NRG3: variants seen among roughly 807,000 people sequenced by gnomAD.
NRG3 encodes the protein neuregulin 3.
A neutral mutation model predicts 66.9 loss-of-function variants in NRG3; 31 were observed. That is an observed-to-expected ratio of 0.46 (90% CI 0.35 to 0.63). The LOEUF (loss-of-function observed/expected upper bound fraction) is 0.63, where lower values mean the gene tolerates loss of function less well. Ranked by LOEUF, NRG3 falls within the 20% of genes least tolerant of loss-of-function variation. NRG3 has a pLI of 0.00. For synonymous variants in NRG3, 393 were observed against 359.4 expected, an observed-to-expected ratio of 1.09 and a Z score of -1.06; for missense variants, 910 against 878.9, an observed-to-expected ratio of 1.04 and a Z score of -0.45.
At chr10:81,896,809 C>T (rs187621875) in intron 1 of NRG3, among the ~76,000 whole-genome samples, 43 of 152,164 alleles carry the variant, frequency 2.8e-4, no homozygotes, top group Admixed American at 2.3e-3. Flanking sequence ...ATCCTTCATT[C>T]GTCAACTATT....
intron 2 of NRG3, among the ~76,000 whole-genome samples, chr10:82,611,948 A>C (rs1229522868): frequency 6.6e-6 from 1 of 152,148 alleles, no homozygotes. Context: ...TGACTTTTTA[A>C]CGATCAACAT....
At chr10:81,991,702 G>A (rs2060748195) in intron 1 of NRG3, among the ~76,000 whole-genome samples, 1 of 152,042 alleles carries the variant, frequency 6.6e-6, no homozygotes, top group South Asian at 2.1e-4. Context: ...ACATGATTTA[G>A]CTTGTTTGGA....
At chr10:82,620,697 CAG>C (rs2048987263) in intron 2 of NRG3, among the ~76,000 whole-genome samples, 1 of 152,120 alleles carries the variant, frequency 6.6e-6, no homozygotes, top group African/African-American at 2.4e-5. Context: ...AATGGGCAAA[CAG>C]GGATAGAAGT....
At chr10:82,076,243 A>G (rs1006789536) in intron 1 of NRG3, among the ~76,000 whole-genome samples, 1 of 152,158 alleles carries the variant, frequency 6.6e-6, no homozygotes, top group Non-Finnish European at 1.5e-5. Context: ...TGATGCTCAA[A>G]CATAAACTGT....
At chr10:82,392,369 TC>T (rs2086439471) in intron 2 of NRG3, among the ~76,000 whole-genome samples, 1 of 152,254 alleles carries the variant, frequency 6.6e-6, no homozygotes, top group East Asian at 1.9e-4. Flanking sequence ...GATTTATAGG[TC>T]CAGGAAATAT....
intron 1 of NRG3, among the ~76,000 whole-genome samples, chr10:82,063,664 A>G (rs2064287402): frequency 6.6e-6 from 1 of 152,174 alleles, no homozygotes; most frequent in Non-Finnish European, 1.5e-5. Context: ...AAACTAAAGA[A>G]ACTAAAGAAA....
chr10:82,468,625 G>T (rs925833850), intron 2 of NRG3, among the ~76,000 whole-genome samples: 8 of 152,180 alleles, frequency 5.3e-5, no homozygotes, highest in African/African-American at 1.9e-4. Flanking sequence ...TTTCTCCTAG[G>T]CAGAGAATTA....
intron 1 of NRG3, among the ~76,000 whole-genome samples, chr10:81,951,095 T>G (rs982214944): frequency 3.3e-5 from 5 of 152,312 alleles, no homozygotes; most frequent in South Asian, 2.1e-4. Flanking sequence ...AGATGACTGA[T>G]TCATTTGCAG....
chr10:82,019,181 C>T (rs2061936868), intron 1 of NRG3, among the ~76,000 whole-genome samples: 1 of 152,120 alleles, frequency 6.6e-6, no homozygotes, highest in Admixed American at 6.6e-5. Context: ...TTTTCTGCAT[C>T]TATTGAGATA....
chr10:82,041,913 T>C (rs2063060604), intron 1 of NRG3, among the ~76,000 whole-genome samples: 1 of 152,040 alleles, frequency 6.6e-6, no homozygotes, highest in South Asian at 2.1e-4. Context: ...AATCTCCTTA[T>C]TTTACAGTTA....
At chr10:82,963,520 A>G (rs1159829794) in intron 6 of NRG3, among the ~76,000 whole-genome samples, 1 of 152,102 alleles carries the variant, frequency 6.6e-6, no homozygotes, top group Non-Finnish European at 1.5e-5. Context: ...CTCTACTAAA[A>G]GTTCAAAATA....
At chr10:82,215,083 A>G (rs2075595955) in intron 1 of NRG3, among the ~76,000 whole-genome samples, 1 of 152,188 alleles carries the variant, frequency 6.6e-6, no homozygotes, top group Non-Finnish European at 1.5e-5. Flanking sequence ...TCATCATTAC[A>G]ATGAGTAGAA....
intron 1 of NRG3, among the ~76,000 whole-genome samples, chr10:81,976,768 G>T (rs1190843087): frequency 1.3e-5 from 2 of 152,088 alleles, no homozygotes; most frequent in Non-Finnish European, 1.5e-5. Context: ...TTCTTTCTTG[G>T]ATGTGAGCTA....
rs562591258 is a variant in NRG3 at position 82,288,727 on chromosome 10, G to T, written c.824-70012G>T. On this transcript the variant is annotated intron_variant, in intron 1 of 8. Coordinates refer to ENST00000372141, the MANE Select transcript of NRG3 (RefSeq NM_001010848.4). Reference sequence around the variant, plus strand: ...TGCAATGACACTGACTCAATGGTTTGCAGCAGCACCCAGACCATCTATTGT... The same window carrying T: ...TGCAATGACACTGACTCAATGGTTTTCAGCAGCACCCAGACCATCTATTGT... Among the ~76,000 whole-genome samples, 4 of 152,324 alleles carry T rather than the reference G, an allele frequency of 2.6e-5. No individual in the cohort carries two copies. The East Asian group carries it at 7.7e-4, about 29-fold the overall frequency.
intron 1 of NRG3, among the ~76,000 whole-genome samples, chr10:82,169,472 T>C (rs2072383111): frequency 6.6e-6 from 1 of 151,712 alleles, no homozygotes; most frequent in South Asian, 2.1e-4. Flanking sequence ...CCCTTCTGAA[T>C]TCTAAAAATG....
intron 4 of NRG3, among the ~76,000 whole-genome samples, chr10:82,910,972 T>C (rs1267237764): frequency 2.0e-5 from 3 of 152,214 alleles, no homozygotes; most frequent in South Asian, 4.1e-4. Context: ...CAACCCTTCT[T>C]GCACAGATGG....
chr10:82,920,469 T>C lies in NRG3; in HGVS notation c.1055-31000T>C, dbSNP rs773560296. On this transcript the variant is annotated intron_variant, in intron 4 of 8. Transcript: ENST00000372141. ...CAATGTTTACATATGGAAACATTTA[T>C]AGATATGCATATATACATGGAATAG... Among the ~76,000 whole-genome samples, 58 of 152,150 alleles carry C rather than the reference T, an allele frequency of 3.8e-4. 1 individual carries two copies. The highest frequency in any genetic ancestry group is 7.9e-4 in the Non-Finnish European group (54 of 68,000).
At chr10:82,282,322 TCTGGGCCA>T (rs1172764906) in intron 1 of NRG3, among the ~76,000 whole-genome samples, 2 of 152,094 alleles carry the variant, frequency 1.3e-5, no homozygotes, top group African/African-American at 4.8e-5. Context: ...TTAGCTGACC[TCTGGGCCA>T]CCAATTCACC....
At chr10:82,898,042 A>T (rs1235830121) in intron 4 of NRG3, among the ~76,000 whole-genome samples, 1 of 152,176 alleles carries the variant, frequency 6.6e-6, no homozygotes, top group Non-Finnish European at 1.5e-5. Context: ...AATCTTGTGC[A>T]GCAGACCTGC....
Sources: allele counts gnomAD v4.1 joint callset (sites outside exome capture counted in the v4.1 genomes callset), GRCh38; gene constraint gnomAD v4.1.1; transcripts MANE v1.5; gene names NCBI Gene and HGNC (gene_info 2026-07-23, HGNC 2026-07-21).